The following GPHN variants were observed in gnomAD, a reference collection of about 807,000 sequenced individuals.
The protein encoded by GPHN is gephyrin.
Under a neutral mutation model 95.5 loss-of-function variants are expected in GPHN, and 17 were observed. The ratio of observed to expected loss-of-function variants is 0.18; its 90% CI spans 0.12 to 0.27. GPHN has a LOEUF of 0.27. Ranked by LOEUF, GPHN falls within the 10% of genes least tolerant of loss-of-function variation. The probability of loss-of-function intolerance (pLI) is 1.00; values close to 1 mark genes in which losing one functional copy is unlikely to be tolerated. For synonymous variants in GPHN, 320 were observed against 322.5 expected, an observed-to-expected ratio of 0.99 and a Z score of 0.08; for missense variants, 660 against 978.1, an observed-to-expected ratio of 0.67 and a Z score of 4.34.
the GPHN span, among the ~76,000 whole-genome samples, chr14:67,202,727 G>T: frequency 6.6e-6 from 1 of 152,150 alleles, no homozygotes; most frequent in African/African-American, 2.4e-5. Flanking sequence ...GTAAATGTGT[G>T]TACCTCCCAA....
At chr14:66,540,162 A>G (rs746145250) in intron 1 of GPHN, among the ~76,000 whole-genome samples, 1 of 152,202 alleles carries the variant, frequency 6.6e-6, no homozygotes, top group Non-Finnish European at 1.5e-5. Flanking sequence ...CGTGCTCCAC[A>G]TATCTTCTAA....
chr14:67,529,364 G>C, the GPHN span, among the ~76,000 whole-genome samples: 3 of 152,144 alleles, frequency 2.0e-5, no homozygotes, highest in Non-Finnish European at 2.9e-5. Context: ...GGCATGTCTA[G>C]TTCTAAAGCC....
At chr14:67,174,046 G>A (rs2082754917) in intron 21 of GPHN, among the ~76,000 whole-genome samples, 1 of 152,170 alleles carries the variant, frequency 6.6e-6, no homozygotes, top group Non-Finnish European at 1.5e-5. Flanking sequence ...AAGAAGGCCT[G>A]TAAGACTTAC....
chr14:67,695,640 G>C, the GPHN span: 1 of 1,614,102 alleles, frequency 6.2e-7, no homozygotes, highest in Non-Finnish European at 8.5e-7. Context: ...CTGATTTGGG[G>C]CGCAGCCATA....
At chr14:66,940,309 A>T (rs2067350529) in intron 8 of GPHN, among the ~76,000 whole-genome samples, 1 of 152,014 alleles carries the variant, frequency 6.6e-6, no homozygotes, top group Admixed American at 6.6e-5. Context: ...TGAAAGGGAT[A>T]CAGACTGAAG....
chr14:66,870,861 A>G (rs1474275804), intron 4 of GPHN, among the ~76,000 whole-genome samples: 2 of 152,202 alleles, frequency 1.3e-5, no homozygotes, highest in Non-Finnish European at 1.5e-5. Context: ...TAATACGGTG[A>G]ACAATTCAGA....
At chr14:66,762,540 C>A in intron 2 of GPHN, among the ~76,000 whole-genome samples, 1 of 135,332 alleles carries the variant, frequency 7.4e-6, no homozygotes, top group East Asian at 2.2e-4. Flanking sequence ...TATGGATTTG[C>A]AGAGAAGTGT....
chr14:66,980,173 T>G (rs1451724448), intron 9 of GPHN, among the ~76,000 whole-genome samples: 2 of 152,172 alleles, frequency 1.3e-5, no homozygotes, highest in Non-Finnish European at 2.9e-5. Flanking sequence ...AGTGAGCACT[T>G]GCTGTTGGAA....
the GPHN span, among the ~76,000 whole-genome samples, chr14:67,339,654 G>A: frequency 4.4e-4 from 67 of 152,194 alleles, no homozygotes; most frequent in Non-Finnish European, 7.6e-4. Context: ...CTCTAATGGC[G>A]TGATTTATAT....
At chr14:67,560,887 C>T in the GPHN span, among the ~76,000 whole-genome samples, 5 of 152,130 alleles carry the variant, frequency 3.3e-5, no homozygotes, top group African/African-American at 4.8e-5. Context: ...CACGCCACCA[C>T]GCCTGGCTAA....
chr14:67,647,946 T>C, the GPHN span: 44 of 1,174,536 alleles, frequency 3.7e-5, no homozygotes, highest in South Asian at 2.2e-4. Flanking sequence ...CTAGGACTAA[T>C]AGCAACAAAA....
chr14:66,854,965 A>G (rs1425139759), intron 4 of GPHN, among the ~76,000 whole-genome samples: 1 of 151,306 alleles, frequency 6.6e-6, no homozygotes, highest in East Asian at 2.0e-4. Context: ...CTCCTGCCTC[A>G]GCCTCCTGAG....
chr14:67,007,175 G>A (rs2072663727), intron 9 of GPHN, among the ~76,000 whole-genome samples: 1 of 152,020 alleles, frequency 6.6e-6, no homozygotes, highest in Non-Finnish European at 1.5e-5. Context: ...TTTTCCAAGT[G>A]GAAAGAAATC....
At chr14:66,670,495 G>A (rs972427159) in intron 1 of GPHN, among the ~76,000 whole-genome samples, 2 of 152,072 alleles carry the variant, frequency 1.3e-5, no homozygotes, top group East Asian at 3.9e-4. Flanking sequence ...TCAAAAAGTG[G>A]TTAGTAAACG....
At chr14:67,484,463 T>C in the GPHN span, among the ~76,000 whole-genome samples, 8 of 152,218 alleles carry the variant, frequency 5.3e-5, no homozygotes, top group African/African-American at 1.9e-4. Flanking sequence ...TTTCTAATTA[T>C]AAAAGCAACA....
At chr14:67,260,983 G>A in the GPHN span, among the ~76,000 whole-genome samples, 1 of 152,156 alleles carries the variant, frequency 6.6e-6, no homozygotes, top group Non-Finnish European at 1.5e-5. Context: ...ATGCCCTGGA[G>A]TCAAGCAGAC....
chr14:67,462,748 T>C, the GPHN span, among the ~76,000 whole-genome samples: 5 of 152,208 alleles, frequency 3.3e-5, no homozygotes, highest in Non-Finnish European at 7.3e-5. Context: ...CCTCCAAGGA[T>C]CCAGGTAGCA....
At chr14:66,592,027 G>A (rs1299287922) in intron 1 of GPHN, among the ~76,000 whole-genome samples, 1 of 152,034 alleles carries the variant, frequency 6.6e-6, no homozygotes, top group East Asian at 1.9e-4. Context: ...TCTTATCTTT[G>A]GCAAACTTGA....
chr14:67,696,919 C>A, the GPHN span, among the ~76,000 whole-genome samples: 1 of 152,154 alleles, frequency 6.6e-6, no homozygotes, highest in African/African-American at 2.4e-5. Flanking sequence ...AGAGGGTTTC[C>A]TTCACACAAT....
Sources: gnomAD v4.1 joint callset for allele counts (sites outside exome capture counted in the v4.1 genomes callset) on GRCh38, gnomAD v4.1.1 for gene constraint, MANE v1.5 for transcripts, NCBI Gene and HGNC (gene_info 2026-07-23, HGNC 2026-07-21) for gene names.